Variants in SUMF1 observed in about 807,000 individuals in gnomAD.
SUMF1 encodes sulfatase modifying factor 1.
Under a neutral mutation model 47.6 loss-of-function variants are expected in SUMF1, and 48 were observed. The observed-to-expected ratio is 1.01, with a 90% CI of 0.80 to 1.28. The LOEUF (loss-of-function observed/expected upper bound fraction) is 1.28. Ranked by LOEUF, SUMF1 falls within the 50% of genes most tolerant of loss-of-function variation. The pLI is 0.00. For synonymous variants in SUMF1, 230 were observed against 192.1 expected, an observed-to-expected ratio of 1.20 and a Z score of -1.63; for missense variants, 571 against 485.4, an observed-to-expected ratio of 1.18 and a Z score of -1.66.
At chr3:4,253,758 C>T (rs1046084945) in intron 8 of SUMF1, among the ~76,000 whole-genome samples, 9 of 145,426 alleles carry the variant, frequency 6.2e-5, no homozygotes, top group African/African-American at 2.4e-4. Flanking sequence ...GTGGAACCCA[C>T]CACAGCTCAA....
intron 7 of SUMF1, among the ~76,000 whole-genome samples, chr3:4,393,271 ATCAAG>A (rs1700934895): frequency 6.6e-6 from 1 of 152,050 alleles, no homozygotes; most frequent in African/African-American, 2.4e-5. Flanking sequence ...TCCACCCTGA[ATCAAG>A]TCAATCTTTG....
chr3:4,079,095 C>T (rs1308588656), intron 8 of SUMF1, among the ~76,000 whole-genome samples: 4 of 152,122 alleles, frequency 2.6e-5, no homozygotes, highest in Non-Finnish European at 5.9e-5. Context: ...CTCACAGTCC[C>T]TGATGAGCAA....
chr3:4,181,689 G>C (rs760447700), intron 8 of SUMF1, among the ~76,000 whole-genome samples: 1 of 152,068 alleles, frequency 6.6e-6, no homozygotes, highest in African/African-American at 2.4e-5. Context: ...GCCCAAGAAA[G>C]AGTGTCCCCT....
At chr3:4,252,908 T>C (rs1696839376) in intron 8 of SUMF1, among the ~76,000 whole-genome samples, 1 of 152,190 alleles carries the variant, frequency 6.6e-6, no homozygotes, top group East Asian at 1.9e-4. Context: ...TCCTGGTGTA[T>C]TCGTATCTAA....
At position 4,324,787 on chromosome 3, in the gene SUMF1, C is replaced by G. The variant is rs574740421; in HGVS notation, c.1014+51543G>C. 1.7e-3 allele frequency among the ~76,000 whole-genome samples: 259 copies of G among 152,106 alleles called. 2 individuals carry two copies. Among genetic ancestry groups the G allele is most frequent in the Non-Finnish European group, 1.5e-3 (105 of 68,014 alleles). ...TCGATTACCAAGTTAATTTCCCAAG[C>G]TCAACTTTGCCTTTGGCATAGTGAG... On this transcript the variant is annotated intron_variant and NMD_transcript_variant, in intron 8 of 12. Transcript: ENST00000448413.
intron 3 of SUMF1, 145 bp downstream of exon 3, chr3:4,449,121 G>A: frequency 1.1e-6 from 1 of 880,120 alleles, no homozygotes; most frequent in African/African-American, 1.6e-5. Flanking sequence ...TGGTCCATGG[G>A]CCTATTATTT....
intron 7 of SUMF1, among the ~76,000 whole-genome samples, chr3:4,376,844 G>A (rs1700344902): frequency 6.6e-6 from 1 of 152,174 alleles, no homozygotes; most frequent in African/African-American, 2.4e-5. Flanking sequence ...CACCCAGGCT[G>A]GAGTGCAGTG....
intron 8 of SUMF1, among the ~76,000 whole-genome samples, chr3:4,135,341 T>C (rs1451019563): frequency 6.6e-6 from 1 of 152,024 alleles, no homozygotes; most frequent in Non-Finnish European, 1.5e-5. Context: ...ATAAATGTAA[T>C]CCAGCATATA....
chr3:4,439,615 A>G (rs1440361603), intron 3 of SUMF1, among the ~76,000 whole-genome samples: 1 of 152,168 alleles, frequency 6.6e-6, no homozygotes, highest in African/African-American at 2.4e-5. Context: ...CTCAAAGGCT[A>G]TCTTTTCCTT....
intron 8 of SUMF1, among the ~76,000 whole-genome samples, chr3:4,174,309 T>C (rs1246065385): frequency 7.4e-6 from 1 of 134,374 alleles, no homozygotes; most frequent in African/African-American, 2.9e-5. Context: ...TGAGCCAAGA[T>C]CACACCACTG....
intron 8 of SUMF1, among the ~76,000 whole-genome samples, chr3:4,352,066 G>A (rs933790511): frequency 1.3e-5 from 2 of 152,174 alleles, no homozygotes; most frequent in African/African-American, 2.4e-5. Flanking sequence ...CTCACTCTTT[G>A]CCTTTTTACT....
intron 8 of SUMF1, among the ~76,000 whole-genome samples, chr3:4,085,900 T>A (rs561104084): frequency 1.3e-5 from 2 of 152,104 alleles, no homozygotes; most frequent in South Asian, 4.2e-4. Context: ...ATTCCTTTCC[T>A]CTTCTGCCTC....
intron 8 of SUMF1, among the ~76,000 whole-genome samples, chr3:4,191,559 T>C (rs1284080423): frequency 1.3e-5 from 2 of 152,040 alleles, no homozygotes; most frequent in African/African-American, 4.8e-5. Context: ...GCATGGGGAA[T>C]GAATTGAAAG....
intron 8 of SUMF1, among the ~76,000 whole-genome samples, chr3:4,212,157 G>A (rs906899897): frequency 1.3e-5 from 2 of 152,182 alleles, no homozygotes; most frequent in Admixed American, 1.3e-4. Flanking sequence ...AGTAGGGGCC[G>A]ACAGACAGCT....
intron 8 of SUMF1, among the ~76,000 whole-genome samples, chr3:4,253,228 A>G (rs369426112): frequency 6.6e-6 from 1 of 152,088 alleles, no homozygotes; most frequent in South Asian, 2.1e-4. Flanking sequence ...TTTTCTCTCC[A>G]TTGGAAAAAA....
rs1458869765 is a variant in SUMF1 at position 4,175,453 on chromosome 3, T to C, written c.1015-106708A>G. On this transcript the variant is annotated intron_variant and NMD_transcript_variant, in intron 8 of 12. Coordinates refer to the SUMF1 transcript ENST00000448413. ...CAGACCTGCAGCTGAGGGACCTGAC[T>C]GTTAGAAGGAAAACTAACAAACAAA... is the stretch of plus-strand genomic sequence containing the variant. 1.3e-5 allele frequency among the ~76,000 whole-genome samples: 2 copies of C among 152,164 alleles called. 1 individual carries two copies. The highest frequency in any genetic ancestry group is 2.9e-5 in the Non-Finnish European group (2 of 68,026).
chr3:4,375,688 T>C (rs1700304768), intron 8 of SUMF1, among the ~76,000 whole-genome samples: 1 of 151,940 alleles, frequency 6.6e-6, no homozygotes, highest in African/African-American at 2.4e-5. Context: ...AAAGCTGGAG[T>C]TCAGGAGACG....
rs111853273 is a variant in SUMF1 at position 4,199,568 on chromosome 3, A to G, written c.1015-130823T>C. Among the ~76,000 whole-genome samples the G allele has an allele frequency of 1.7e-3, 262 of 152,262 alleles. 4 individuals are homozygous for G. The highest frequency in any genetic ancestry group is 6.2e-3 in the Admixed American group (94 of 15,274). On this transcript the variant is annotated intron_variant and NMD_transcript_variant, in intron 8 of 12. Transcript: ENST00000448413. Reference sequence around the variant, plus strand: ...TGGCGGGTAATTTTTCAAAGTGGCTATATCATTTTCCATTTCCATCAGCAA... The same window carrying G: ...TGGCGGGTAATTTTTCAAAGTGGCTGTATCATTTTCCATTTCCATCAGCAA...
intron 8 of SUMF1, among the ~76,000 whole-genome samples, chr3:4,276,031 T>C (rs764936245): frequency 7.2e-5 from 11 of 152,280 alleles, no homozygotes; most frequent in Admixed American, 2.6e-4. Flanking sequence ...AGAAATAAAA[T>C]ACTCAAGCCC....
Sources: allele counts gnomAD v4.1 joint callset (sites outside exome capture counted in the v4.1 genomes callset), GRCh38; gene constraint gnomAD v4.1.1; transcripts MANE v1.5; gene names NCBI Gene and HGNC (gene_info 2026-07-23, HGNC 2026-07-21).